Variants in TBC1D5 observed in about 807,000 individuals in gnomAD.
TBC1D5 encodes TBC1 domain family, member 5.
Under a neutral mutation model 100.3 loss-of-function variants are expected in TBC1D5, and 75 were observed. That is an observed-to-expected ratio of 0.75 (90% CI 0.62 to 0.91). The LOEUF is 0.91. Among genes scored for constraint, TBC1D5 ranks in the 40% least tolerant of loss-of-function variants. The probability of loss-of-function intolerance (pLI) is 0.00; values close to 1 mark genes in which losing one functional copy is unlikely to be tolerated. For synonymous variants in TBC1D5, 323 were observed against 325.6 expected (o/e 0.99, Z 0.09); for missense variants, 910 against 942.4 (o/e 0.97, Z 0.45).
At chr3:17,282,288 T>C (rs747242259) in intron 15 of TBC1D5, among the ~76,000 whole-genome samples, 2 of 152,242 alleles carry the variant, frequency 1.3e-5, no homozygotes, top group Non-Finnish European at 1.5e-5. Context: ...TGCATTTTAA[T>C]ACTTTTCCAT....
chr3:17,602,405 C>T (rs1022471291), intron 2 of TBC1D5, among the ~76,000 whole-genome samples: 8 of 152,058 alleles, frequency 5.3e-5, no homozygotes, highest in Non-Finnish European at 1.0e-4. Flanking sequence ...ATCCCTGGTG[C>T]TCAGTACTAA....
At chr3:17,304,913 G>A (rs1325655455) in intron 14 of TBC1D5, among the ~76,000 whole-genome samples, 1 of 152,060 alleles carries the variant, frequency 6.6e-6, no homozygotes, top group East Asian at 1.9e-4. Flanking sequence ...CTCTATATCT[G>A]CTATCTCCAT....
intron 2 of TBC1D5, among the ~76,000 whole-genome samples, chr3:17,565,428 A>G (rs1423517143): frequency 6.6e-6 from 1 of 152,280 alleles, no homozygotes; most frequent in Non-Finnish European, 1.5e-5. Flanking sequence ...CAGAAAAAGT[A>G]ATCAGTACTA....
chr3:17,265,149 T>C (rs1418616021), intron 15 of TBC1D5, among the ~76,000 whole-genome samples: 1 of 152,168 alleles, frequency 6.6e-6, no homozygotes, highest in Non-Finnish European at 1.5e-5. Context: ...TTTGCTAGCA[T>C]ATGAGAATAT....
Position 17,161,115 on chromosome 3 carries a change from C to T in TBC1D5, c.2236G>A (p.Gly746Arg), listed in dbSNP as rs779740965. The change falls in exon 22 of 22, where the codon GGG (glycine) becomes AGG (arginine). Residue 746 changes from glycine (G) to arginine (R), a missense_variant. By Grantham distance (125) the Gly-to-Arg change is moderately radical (BLOSUM62 -2). Coordinates refer to ENST00000253692, the Ensembl canonical transcript of TBC1D5. ...GAGCAGACTGGGGCCTGGCTTTTCC[C>T]AGAGGTGCTTCTGAGGGTGCGAAGA... is the stretch of plus-strand genomic sequence containing the variant. 2.5e-6 allele frequency: 4 copies of T among 1,614,170 alleles called. No individual in the cohort carries two copies. The Admixed American group carries it at 6.7e-5, about 27-fold the overall frequency.
intron 8 of TBC1D5, among the ~76,000 whole-genome samples, chr3:17,395,565 T>G (rs1295201174): frequency 6.6e-6 from 1 of 152,124 alleles, no homozygotes; most frequent in Non-Finnish European, 1.5e-5. Context: ...TCACCAAACT[T>G]TACTTTTTAA....
intron 15 of TBC1D5, among the ~76,000 whole-genome samples, chr3:17,265,299 T>C (rs963061245): frequency 2.0e-5 from 3 of 152,170 alleles, no homozygotes; most frequent in African/African-American, 7.2e-5. Context: ...ATATTTACAG[T>C]ATAATGTATG....
At chr3:17,435,839 G>T (rs2094525650) in intron 3 of TBC1D5, among the ~76,000 whole-genome samples, 1 of 152,198 alleles carries the variant, frequency 6.6e-6, no homozygotes, top group South Asian at 2.1e-4. Context: ...AAGGCCGTGT[G>T]TGTGCCTAGA....
At chr3:17,368,690 C>A (rs752636193) in intron 13 of TBC1D5, among the ~76,000 whole-genome samples, 1 of 150,726 alleles carries the variant, frequency 6.6e-6, no homozygotes, top group African/African-American at 2.4e-5. Context: ...TTTTTATTTT[C>A]TTTTTAAATT....
In TBC1D5 at chr3:17,291,882, TG is replaced by T; in HGVS notation, c.1245+12del. On this transcript the variant is annotated intron_variant, in intron 15 of 21. Transcript: ENST00000253692. ...CAACTTAAAATTATGCATACCCTACTGGGGAAGCTTACCTTTGGATCTCTAA... is the reference window on the plus strand; with the variant it reads ...CAACTTAAAATTATGCATACCCTACTGGGAAGCTTACCTTTGGATCTCTAA... 6.2e-7 allele frequency: 1 copy of T among 1,609,102 alleles called. No individual in the cohort carries two copies. Among genetic ancestry groups the T allele is most frequent in the Non-Finnish European group, 8.5e-7 (1 of 1,176,918 alleles).
At chr3:17,269,844 T>C (rs1449882) in intron 15 of TBC1D5, among the ~76,000 whole-genome samples, 76,540 of 151,988 alleles carry the variant, frequency 0.5, 20,846 homozygotes, top group African/African-American at 0.69. Context: ...TTTATGGCTG[T>C]GTAGTGTTCC....
intron 2 of TBC1D5, among the ~76,000 whole-genome samples, chr3:17,619,176 A>G (rs1303854057): frequency 2.0e-5 from 3 of 152,264 alleles, no homozygotes; most frequent in Non-Finnish European, 4.4e-5. Flanking sequence ...CAACTGAAAA[A>G]GAAATACCCT....
chr3:17,199,006 A>G (rs1007094292), intron 18 of TBC1D5, among the ~76,000 whole-genome samples: 3 of 152,236 alleles, frequency 2.0e-5, no homozygotes, highest in Non-Finnish European at 4.4e-5. Flanking sequence ...TTTCCGCTAC[A>G]TGTAGCTGAA....
chr3:17,455,454 G>A (rs1451917577), intron 3 of TBC1D5, among the ~76,000 whole-genome samples: 1 of 145,652 alleles, frequency 6.9e-6, no homozygotes, highest in African/African-American at 2.6e-5. Context: ...ATATATATGT[G>A]TGTGTATATA....
intron 3 of TBC1D5, among the ~76,000 whole-genome samples, chr3:17,439,824 A>C (rs1283735133): frequency 1.3e-5 from 2 of 152,224 alleles, no homozygotes; most frequent in Admixed American, 1.3e-4. Context: ...GGAAATGTAC[A>C]ATATTGTACA....
intron 13 of TBC1D5, among the ~76,000 whole-genome samples, chr3:17,332,022 G>A (rs1559650095): frequency 6.6e-6 from 1 of 152,190 alleles, no homozygotes; most frequent in Non-Finnish European, 1.5e-5. Flanking sequence ...GCAAGAAACT[G>A]TTATAATTCT....
intron 1 of TBC1D5, among the ~76,000 whole-genome samples, chr3:17,676,846 C>T (rs2068711010): frequency 6.6e-6 from 1 of 152,106 alleles, no homozygotes; most frequent in South Asian, 2.1e-4. Flanking sequence ...GAAATAATAC[C>T]ACACATCTAC....
intron 2 of TBC1D5, among the ~76,000 whole-genome samples, chr3:17,515,120 T>G (rs975967954): frequency 2.0e-5 from 3 of 151,950 alleles, no homozygotes; most frequent in Non-Finnish European, 4.4e-5. Flanking sequence ...AAACTGATGA[T>G]AATTAAAAAT....
intron 1 of TBC1D5, among the ~76,000 whole-genome samples, chr3:17,705,082 G>A (rs1469210823): frequency 3.1e-5 from 4 of 131,054 alleles, no homozygotes; most frequent in African/African-American, 5.6e-5. Context: ...CGGACGGCAC[G>A]GCTGGCCAGG....
Sources: gnomAD v4.1 joint callset for allele counts (sites outside exome capture counted in the v4.1 genomes callset) on GRCh38, gnomAD v4.1.1 for gene constraint, MANE v1.5 for transcripts, NCBI Gene and HGNC (gene_info 2026-07-23, HGNC 2026-07-21) for gene names.